The following KLF8 variants were observed in gnomAD, a reference collection of about 807,000 sequenced individuals.
The protein encoded by KLF8 is KLF transcription factor 8.
Under a neutral mutation model 18.2 loss-of-function variants are expected in KLF8, and 10 were observed. That is an observed-to-expected ratio of 0.55 (90% confidence interval 0.34 to 0.93). The LOEUF is 0.93. Among genes scored for constraint, KLF8 ranks in the 40% least tolerant of loss-of-function variants. KLF8 has a pLI of 0.02. For synonymous variants in KLF8, 109 were observed against 97.3 expected (o/e 1.12, Z -0.71); for missense variants, 264 against 277.9 (o/e 0.95, Z 0.36).
At chrX:55,984,284 G>A in the KLF8 span, among the ~76,000 whole-genome samples, 4 of 109,756 alleles carry the variant, frequency 3.6e-5, no homozygotes, top group African/African-American at 9.9e-5. Context: ...CCCTCTACCC[G>A]CTCACCTAAC....
At chrX:56,125,390 A>G in the KLF8 span, among the ~76,000 whole-genome samples, 1 of 111,986 alleles carries the variant, frequency 8.9e-6, no homozygotes, top group Non-Finnish European at 1.9e-5. Flanking sequence ...AAGATGGAAT[A>G]GATACCTTGA....
the KLF8 span, among the ~76,000 whole-genome samples, chrX:55,921,342 A>G: frequency 2.3e-3 from 259 of 111,628 alleles, no homozygotes; most frequent in Non-Finnish European, 3.8e-3. Flanking sequence ...CGAAGATAAG[A>G]TGGTTGTAGA....
the KLF8 span, among the ~76,000 whole-genome samples, chrX:55,958,749 G>A: frequency 8.9e-6 from 1 of 112,345 alleles, no homozygotes; most frequent in African/African-American, 3.2e-5. Flanking sequence ...TTTAAGCACT[G>A]ATTAGAGAGT....
intron 2 of KLF8, among the ~76,000 whole-genome samples, chrX:56,253,565 C>T (rs2066743804): frequency 9.1e-6 from 1 of 110,028 alleles, no homozygotes. Context: ...TTCCATTGCA[C>T]TGTATGTTTG....
At chrX:56,129,375 G>A in the KLF8 span, among the ~76,000 whole-genome samples, 1 of 112,094 alleles carries the variant, frequency 8.9e-6, no homozygotes, top group Non-Finnish European at 1.9e-5. Flanking sequence ...GGGAAAGGGG[G>A]ATTGTCCACT....
At chrX:56,033,097 G>A in the KLF8 span, among the ~76,000 whole-genome samples, 1 of 111,274 alleles carries the variant, frequency 9.0e-6, no homozygotes, top group Non-Finnish European at 1.9e-5. Flanking sequence ...ACTAAGAAAA[G>A]TGACATATCC....
chrX:56,276,468 C>T (rs2067124687), intron 5 of KLF8, among the ~76,000 whole-genome samples: 2 of 111,261 alleles, frequency 1.8e-5, no homozygotes, highest in Admixed American at 9.5e-5. Context: ...TTTTGTTCAT[C>T]TGGGAAAGTC....
the KLF8 span, among the ~76,000 whole-genome samples, chrX:56,100,779 C>T: frequency 4.5e-5 from 5 of 111,617 alleles, no homozygotes; most frequent in South Asian, 7.5e-4. Flanking sequence ...TGCAGTCTTG[C>T]GATAAAACTT....
At chrX:56,146,122 A>G in the KLF8 span, among the ~76,000 whole-genome samples, 1 of 112,021 alleles carries the variant, frequency 8.9e-6, no homozygotes, top group East Asian at 2.8e-4. Context: ...TGGGAGTGTA[A>G]ATTAGCTCAA....
At chrX:56,240,724 G>A (rs1450589634) in intron 1 of KLF8, among the ~76,000 whole-genome samples, 5 of 110,966 alleles carry the variant, frequency 4.5e-5, no homozygotes, top group Non-Finnish European at 7.5e-5. Context: ...GTAGTAGCAA[G>A]TACTTTAAGG....
the KLF8 span, among the ~76,000 whole-genome samples, chrX:55,998,578 G>A: frequency 8.7e-4 from 98 of 112,116 alleles, no homozygotes; most frequent in African/African-American, 3.0e-3. Context: ...GTTTGACACA[G>A]CACATGTTTC....
the KLF8 span, among the ~76,000 whole-genome samples, chrX:56,095,168 C>G: frequency 9.0e-6 from 1 of 111,472 alleles, no homozygotes; most frequent in African/African-American, 3.2e-5. Context: ...AATAAAACAC[C>G]ATACCTACAA....
the KLF8 span, among the ~76,000 whole-genome samples, chrX:56,184,860 CA>C: frequency 8.9e-6 from 1 of 111,924 alleles, no homozygotes; most frequent in African/African-American, 3.2e-5. Context: ...ACATCCACAC[CA>C]AAAACCCATC....
At chrX:56,066,967 C>G in the KLF8 span, among the ~76,000 whole-genome samples, 1 of 110,118 alleles carries the variant, frequency 9.1e-6, no homozygotes, top group African/African-American at 3.3e-5. Flanking sequence ...GGACTGCTGG[C>G]AGCCTTTCAC....
the KLF8 span, among the ~76,000 whole-genome samples, chrX:55,999,285 A>ATTTT: frequency 7.1e-3 from 239 of 33,582 alleles, 30 homozygotes; most frequent in African/African-American, 0.032. Flanking sequence ...ATGCCTCCAG[A>ATTTT]TTTTTTTTTT....
chrX:56,163,615 T>G, the KLF8 span, among the ~76,000 whole-genome samples: 1 of 112,107 alleles, frequency 8.9e-6, no homozygotes, highest in Non-Finnish European at 1.9e-5. Context: ...ATTAGTTGAT[T>G]TTTGATTTGT....
the KLF8 span, among the ~76,000 whole-genome samples, chrX:56,165,273 C>A: frequency 8.9e-6 from 1 of 111,929 alleles, no homozygotes; most frequent in East Asian, 2.8e-4. Flanking sequence ...GCAGTATCTG[C>A]AAAGCCAGAT....
chrX:56,161,873 G>T, the KLF8 span, among the ~76,000 whole-genome samples: 3 of 111,508 alleles, frequency 2.7e-5, no homozygotes, highest in Non-Finnish European at 5.6e-5. Flanking sequence ...CAGTTTTTCT[G>T]CTCTGTTTTT....
the KLF8 span, among the ~76,000 whole-genome samples, chrX:56,158,687 T>G: frequency 2.7e-5 from 3 of 112,220 alleles, no homozygotes; most frequent in Non-Finnish European, 5.6e-5. Flanking sequence ...TTTGGCTGTT[T>G]GTCTGTTATT....
Sources: allele counts gnomAD v4.1 joint callset (sites outside exome capture counted in the v4.1 genomes callset), GRCh38; gene constraint gnomAD v4.1.1; transcripts MANE v1.5; gene names NCBI Gene and HGNC (gene_info 2026-07-23, HGNC 2026-07-21).